Variants in SNRNP40 observed in about 807,000 individuals in gnomAD.
SNRNP40 encodes U5 small nuclear ribonucleoprotein 40 kDa protein.
Under a neutral mutation model 45.8 loss-of-function variants are expected in SNRNP40, and 21 were observed. The ratio of observed to expected loss-of-function variants is 0.46; its 90% CI spans 0.32 to 0.66. The LOEUF (loss-of-function observed/expected upper bound fraction) is 0.66, where lower values mean the gene tolerates loss of function less well. Ranked by LOEUF, SNRNP40 falls within the 30% of genes least tolerant of loss-of-function variation. The pLI, the probability that SNRNP40 is intolerant of heterozygous loss-of-function variation, is 0.03. For missense variants in SNRNP40, 344 were observed against 439.1 expected (o/e 0.78, Z 1.94); for synonymous variants, 142 against 163.8 (o/e 0.87, Z 1.01).
At chr1:31,262,067 T>G (rs1458792530) in intron 8 of SNRNP40, among the ~76,000 whole-genome samples, 1 of 152,166 alleles carries the variant, frequency 6.6e-6, no homozygotes, top group African/African-American at 2.4e-5. Context: ...AACTTTTTAG[T>G]ACTGTATTCA....
At chr1:31,292,612 T>C (rs1187446005) in intron 2 of SNRNP40, among the ~76,000 whole-genome samples, 5 of 152,206 alleles carry the variant, frequency 3.3e-5, no homozygotes, top group Non-Finnish European at 4.4e-5. Flanking sequence ...TCTCATAATC[T>C]GGCAAGAAAG....
Position 31,289,410 on chromosome 1 carries a change from G to A in SNRNP40, c.375C>T (p.Phe125=), listed in dbSNP as rs1431870401. Residue 125 remains phenylalanine, a synonymous_variant, in exon 4 of 10, where the codon TTC becomes TTT. Coordinates refer to ENST00000263694, the MANE Select transcript of SNRNP40 (RefSeq NM_004814.3). ...CCACGGTTTTATCTGTGGATGCTGA[G>A]AAAAGCATACTAGAAAGTAAGAGAA... ...LHYNTDGSML[F]SASTDKTVAV... is the part of the protein sequence containing the mutation. 6.2e-7 allele frequency: 1 copy of A among 1,612,510 alleles called. No individual in the cohort carries two copies. The highest frequency in any genetic ancestry group is 8.5e-7 in the Non-Finnish European group (1 of 1,178,874).
Position 31,260,134 on chromosome 1 carries a change from G to A in SNRNP40, c.1025-13C>T. 6.4e-7 allele frequency: 1 copy of A among 1,564,916 alleles called. No homozygotes were observed. Among genetic ancestry groups the A allele is most frequent in the Non-Finnish European group, 8.7e-7 (1 of 1,153,518 alleles). ...GATGCTGAGATAACTGAGGTAAAAAGAACAGATAACTAGAAATAATGAAGG... is the reference window on the plus strand; with the variant it reads ...GATGCTGAGATAACTGAGGTAAAAAAAACAGATAACTAGAAATAATGAAGG... On this transcript the variant is annotated splice_polypyrimidine_tract_variant and intron_variant, in intron 9 of 9. Transcript: ENST00000263694.
chr1:31,292,504 G>A (rs1646114843), intron 2 of SNRNP40, among the ~76,000 whole-genome samples: 1 of 152,196 alleles, frequency 6.6e-6, no homozygotes, highest in Admixed American at 6.5e-5. Context: ...GGATCATAGA[G>A]CCGGAACATC....
chr1:31,292,029 GA>G (rs1646111150), intron 2 of SNRNP40, 23 bp from the exon 3 acceptor site: 2 of 1,454,668 alleles, frequency 1.4e-6, no homozygotes, highest in Non-Finnish European at 1.9e-6. Context: ...TGGGTTCTGT[GA>G]GCATTACTAG....
intron 5 of SNRNP40, among the ~76,000 whole-genome samples, chr1:31,273,444 C>T (rs995141207): frequency 2.0e-5 from 3 of 151,898 alleles, no homozygotes; most frequent in African/African-American, 7.3e-5. Flanking sequence ...GAGTTCAAGA[C>T]CAGCCTGGCC....
chr1:31,271,183 G>C (rs1270239620), intron 6 of SNRNP40, 196 bp downstream of exon 6: 2 of 506,444 alleles, frequency 3.9e-6, no homozygotes, highest in East Asian at 3.3e-5. Flanking sequence ...TGTAGAAACT[G>C]ATGCCTAGAG....
chr1:31,287,978 C>G (rs1646072703), intron 4 of SNRNP40, among the ~76,000 whole-genome samples: 1 of 151,680 alleles, frequency 6.6e-6, no homozygotes. Flanking sequence ...GCCTGGGCAA[C>G]ATGGTGAAAC....
At chr1:31,269,619 A>G (rs1645923372) in intron 6 of SNRNP40, 3 of 370,526 alleles carry the variant, frequency 8.1e-6, no homozygotes, top group Non-Finnish European at 1.4e-5. Flanking sequence ...CTACTGTGAC[A>G]ATGAACTTAT....
intron 5 of SNRNP40, among the ~76,000 whole-genome samples, chr1:31,277,488 T>C (rs1645984002): frequency 6.6e-6 from 1 of 152,354 alleles, no homozygotes; most frequent in South Asian, 2.1e-4. Context: ...AAATTTTATA[T>C]CTGCATAAAA....
At chr1:31,275,132 G>A (rs968538367) in intron 5 of SNRNP40, among the ~76,000 whole-genome samples, 12 of 152,130 alleles carry the variant, frequency 7.9e-5, no homozygotes, top group East Asian at 7.7e-4. Flanking sequence ...CTCTGGTCCC[G>A]TCTCTACCAC....
At chr1:31,275,582 G>T (rs1645969033) in intron 5 of SNRNP40, among the ~76,000 whole-genome samples, 1 of 152,136 alleles carries the variant, frequency 6.6e-6, no homozygotes, top group East Asian at 1.9e-4. Context: ...TAGAGACGGG[G>T]TTTTGCCACG....
chr1:31,267,040 T>C (rs1645901854), intron 8 of SNRNP40, among the ~76,000 whole-genome samples: 1 of 152,020 alleles, frequency 6.6e-6, no homozygotes, highest in South Asian at 2.1e-4. Context: ...CTCCAAGAGG[T>C]AATAGAGAGA....
intron 6 of SNRNP40, 51 bp downstream of exon 6, chr1:31,271,328 A>G: frequency 6.3e-7 from 1 of 1,577,642 alleles, no homozygotes; most frequent in Non-Finnish European, 8.6e-7. Context: ...TCTGTGAGCA[A>G]TCTTTGACTT....
intron 4 of SNRNP40, 49 bp from the exon 5 acceptor site, chr1:31,281,545 A>T (rs769581459): frequency 3.2e-6 from 5 of 1,556,834 alleles, no homozygotes; most frequent in Non-Finnish European, 4.4e-6. Flanking sequence ...TCTAAGAAGC[A>T]ATTGCACAGT....
intron 8 of SNRNP40, chr1:31,261,855 T>A: frequency 2.6e-6 from 1 of 390,952 alleles, no homozygotes; most frequent in Non-Finnish European, 4.6e-6. Context: ...AATATAAGCA[T>A]GACTGGCATG....
At chr1:31,274,315 C>T (rs1347700176) in intron 5 of SNRNP40, among the ~76,000 whole-genome samples, 1 of 152,158 alleles carries the variant, frequency 6.6e-6, no homozygotes, top group African/African-American at 2.4e-5. Context: ...CGGCTCACTG[C>T]AACCTCTGCC....
chr1:31,282,035 A>T (rs1646019860), intron 4 of SNRNP40: 1 of 152,482 alleles, frequency 6.6e-6, no homozygotes, highest in African/African-American at 2.4e-5. Flanking sequence ...GCAAACCCTT[A>T]ATGAGGAAAA....
intron 1 of SNRNP40, among the ~76,000 whole-genome samples, chr1:31,296,116 A>T (rs1200906545): frequency 4.3e-4 from 66 of 152,238 alleles, no homozygotes; most frequent in Admixed American, 4.3e-3. Flanking sequence ...GAAATTTCAT[A>T]TACGAAACAC....
Sources: allele counts gnomAD v4.1 joint callset (sites outside exome capture counted in the v4.1 genomes callset), GRCh38; gene constraint gnomAD v4.1.1; transcripts MANE v1.5; gene names NCBI Gene and HGNC (gene_info 2026-07-23, HGNC 2026-07-21).